CSMD2: variants seen among roughly 807,000 people sequenced by gnomAD.
CSMD2 encodes CUB and Sushi multiple domains 2.
In CSMD2, 130 loss-of-function variants were observed where a neutral mutation model predicts 398.5. That is an observed-to-expected ratio of 0.33 (90% CI 0.28 to 0.38). The LOEUF is 0.38. Ranked by LOEUF, CSMD2 falls within the 10% of genes least tolerant of loss-of-function variation. The pLI, the probability that CSMD2 is intolerant of heterozygous loss-of-function variation, is 1.00. For synonymous variants in CSMD2, 1,828 were observed against 1,908.5 expected (o/e 0.96, Z 1.10); for missense variants, 3,829 against 4,764.9 (o/e 0.80, Z 5.78).
chr1:33,899,088 C>T (rs1349351156), intron 5 of CSMD2, among the ~76,000 whole-genome samples: 2 of 152,186 alleles, frequency 1.3e-5, no homozygotes, highest in East Asian at 1.9e-4. Flanking sequence ...ACGAGAAGGA[C>T]GTGACGGATG....
At chr1:34,078,257 G>C (rs1025772551) in intron 2 of CSMD2, among the ~76,000 whole-genome samples, 2 of 151,970 alleles carry the variant, frequency 1.3e-5, no homozygotes, top group Admixed American at 6.6e-5. Flanking sequence ...AGGAGAGGAG[G>C]CTATCATGGG....
At chr1:34,076,928 A>AAAAAAAAAAAAAAAAAATATAT (rs1232288848) in intron 2 of CSMD2, among the ~76,000 whole-genome samples, 1 of 53,600 alleles carries the variant, frequency 1.9e-5, no homozygotes, top group African/African-American at 8.6e-5. Flanking sequence ...AAAAAAAAAA[A>AAAAAAAAAAAAAAAAAATATAT]ATATATATAT....
intron 23 of CSMD2, 115 bp downstream of exon 23, chr1:33,700,402 T>C: frequency 8.7e-7 from 1 of 1,151,702 alleles, no homozygotes; most frequent in Non-Finnish European, 1.3e-6. Context: ...TATTGGATTT[T>C]AAAACAGTCT....
intron 3 of CSMD2, among the ~76,000 whole-genome samples, chr1:33,958,663 T>C (rs1358907565): frequency 6.6e-6 from 1 of 152,202 alleles, no homozygotes; most frequent in Non-Finnish European, 1.5e-5. Context: ...ATCCTGATTT[T>C]ACAGCTGTAA....
At chr1:33,540,986 C>A in intron 59 of CSMD2, 144 bp downstream of exon 59, 1 of 878,362 alleles carries the variant, frequency 1.1e-6, no homozygotes, top group South Asian at 1.6e-5. Flanking sequence ...TGTTCAGGGG[C>A]CAGTTTTCTC....
At chr1:33,905,532 C>G (rs1271961054) in intron 5 of CSMD2, among the ~76,000 whole-genome samples, 1 of 152,136 alleles carries the variant, frequency 6.6e-6, no homozygotes, top group Non-Finnish European at 1.5e-5. Flanking sequence ...AGTGACAAAG[C>G]AGGGCAGAAA....
intron 6 of CSMD2, among the ~76,000 whole-genome samples, chr1:33,844,497 G>A (rs1420214704): frequency 2.0e-5 from 3 of 152,232 alleles, no homozygotes; most frequent in African/African-American, 2.4e-5. Flanking sequence ...GTTACTAAAC[G>A]ATCACTGTAT....
intron 13 of CSMD2, among the ~76,000 whole-genome samples, chr1:33,753,246 G>T (rs1035166088): frequency 6.6e-6 from 1 of 152,212 alleles, no homozygotes; most frequent in Non-Finnish European, 1.5e-5. Flanking sequence ...GCAGCCTCTC[G>T]CATCATAGGC....
At chr1:33,976,377 AG>A (rs1368242659) in intron 3 of CSMD2, among the ~76,000 whole-genome samples, 1 of 152,210 alleles carries the variant, frequency 6.6e-6, no homozygotes, top group Non-Finnish European at 1.5e-5. Flanking sequence ...GGGGATTCCC[AG>A]CCTAGGGTGT....
At chr1:34,124,476 C>T (rs947468276) in intron 1 of CSMD2, among the ~76,000 whole-genome samples, 3 of 152,134 alleles carry the variant, frequency 2.0e-5, no homozygotes, top group East Asian at 1.9e-4. Flanking sequence ...CTCATGCCAT[C>T]GGCTAGTCAC....
At chr1:33,988,021 A>T (rs1646420242) in intron 3 of CSMD2, among the ~76,000 whole-genome samples, 1 of 152,194 alleles carries the variant, frequency 6.6e-6, no homozygotes, top group Non-Finnish European at 1.5e-5. Context: ...TCCTGTCTGC[A>T]GAGCAAACAC....
intron 13 of CSMD2, among the ~76,000 whole-genome samples, chr1:33,746,091 G>T (rs1038088810): frequency 6.6e-6 from 1 of 152,036 alleles, no homozygotes; most frequent in Non-Finnish European, 1.5e-5. Context: ...TTCCCCCTGG[G>T]CCTATGTGAC....
intron 3 of CSMD2, among the ~76,000 whole-genome samples, chr1:33,978,429 G>A (rs1266471378): frequency 6.6e-6 from 1 of 152,184 alleles, no homozygotes; most frequent in Admixed American, 6.5e-5. Flanking sequence ...AGGGCAGACA[G>A]GTAGACCCGC....
chr1:33,923,173 T>C (rs1442742742), intron 4 of CSMD2, among the ~76,000 whole-genome samples: 2 of 152,192 alleles, frequency 1.3e-5, no homozygotes, highest in Non-Finnish European at 2.9e-5. Context: ...ATAGTTTGAA[T>C]GTCCCTCCCA....
At chr1:33,545,169 A>G (rs925849620) in intron 57 of CSMD2, among the ~76,000 whole-genome samples, 2 of 152,078 alleles carry the variant, frequency 1.3e-5, no homozygotes, top group African/African-American at 4.8e-5. Context: ...ACTTACTCTC[A>G]TCTGTTAAGC....
At chr1:34,117,377 A>G (rs928734049) in intron 1 of CSMD2, among the ~76,000 whole-genome samples, 3 of 152,120 alleles carry the variant, frequency 2.0e-5, no homozygotes, top group Admixed American at 1.3e-4. Flanking sequence ...ATACATTTCT[A>G]GAAACATATA....
chr1:33,973,581 C>T (rs537590548), intron 3 of CSMD2, among the ~76,000 whole-genome samples: 4 of 152,318 alleles, frequency 2.6e-5, no homozygotes, highest in African/African-American at 9.6e-5. Flanking sequence ...AGGTGAAGTG[C>T]ACCTGGTGAG....
At chr1:34,081,557 C>G (rs549196669) in intron 2 of CSMD2, among the ~76,000 whole-genome samples, 139 of 152,288 alleles carry the variant, frequency 9.1e-4, no homozygotes, top group Non-Finnish European at 1.4e-3. Flanking sequence ...TGCCTGGGAT[C>G]GCAGGCGCGC....
intron 26 of CSMD2, among the ~76,000 whole-genome samples, chr1:33,659,509 T>A (rs1459754447): frequency 6.6e-6 from 1 of 152,216 alleles, no homozygotes; most frequent in Non-Finnish European, 1.5e-5. Context: ...TCTCAACAAT[T>A]TAAGGAAAAA....
Sources: allele counts gnomAD v4.1 joint callset (sites outside exome capture counted in the v4.1 genomes callset), GRCh38; gene constraint gnomAD v4.1.1; transcripts MANE v1.5; gene names NCBI Gene and HGNC (gene_info 2026-07-23, HGNC 2026-07-21).